Variants in ZBTB7C observed in about 807,000 individuals in gnomAD.
ZBTB7C encodes zinc finger and BTB domain-containing protein 7C.
ZBTB7C carries 8 observed loss-of-function variants against 25.7 expected under a neutral mutation model. The ratio of observed to expected loss-of-function variants is 0.31; its 90% CI spans 0.18 to 0.56. ZBTB7C has a LOEUF of 0.56. Among genes scored for constraint, ZBTB7C ranks in the 20% least tolerant of loss-of-function variants. The pLI, the probability that ZBTB7C is intolerant of heterozygous loss-of-function variation, is 0.91. For missense variants in ZBTB7C, 824 were observed against 855.2 expected, an observed-to-expected ratio of 0.96 and a Z score of 0.46; for synonymous variants, 394 against 369.0, an observed-to-expected ratio of 1.07 and a Z score of -0.78.
chr18:48,038,075 A>T (rs760902275), intron 4 of ZBTB7C, among the ~76,000 whole-genome samples: 1 of 152,154 alleles, frequency 6.6e-6, no homozygotes, highest in Non-Finnish European at 1.5e-5. Context: ...GGTAGGGGGC[A>T]GCATCACCCA....
At chr18:48,191,352 C>T (rs76380405) in intron 2 of ZBTB7C, among the ~76,000 whole-genome samples, 15,450 of 152,244 alleles carry the variant, frequency 0.1, 1,072 homozygotes, top group Non-Finnish European at 0.15. Context: ...TGACATTGGG[C>T]GAGTGACTTA....
chr18:48,303,978 C>T (rs935228287), intron 2 of ZBTB7C, among the ~76,000 whole-genome samples: 19 of 152,216 alleles, frequency 1.2e-4, no homozygotes, highest in African/African-American at 4.3e-4. Context: ...TGTAATCTTC[C>T]AAAGATTCCA....
chr18:48,079,400 T>C (rs2037896064), intron 3 of ZBTB7C, among the ~76,000 whole-genome samples: 1 of 152,238 alleles, frequency 6.6e-6, no homozygotes, highest in Non-Finnish European at 1.5e-5. Context: ...TTACCTATTC[T>C]GGAAAGGGAG....
At chr18:48,321,089 C>G (rs576939763) in intron 2 of ZBTB7C, among the ~76,000 whole-genome samples, 2 of 152,358 alleles carry the variant, frequency 1.3e-5, no homozygotes, top group East Asian at 3.9e-4. Flanking sequence ...GCCTGAGTCT[C>G]ACCCCACGAC....
chr18:48,197,757 G>A (rs188050703), intron 2 of ZBTB7C, among the ~76,000 whole-genome samples: 42 of 152,162 alleles, frequency 2.8e-4, no homozygotes, highest in Non-Finnish European at 2.8e-4. Flanking sequence ...ATGGGATCAG[G>A]GCTCCACCTT....
intron 1 of ZBTB7C, among the ~76,000 whole-genome samples, chr18:48,354,651 G>A (rs2046938000): frequency 6.6e-6 from 1 of 152,098 alleles, no homozygotes; most frequent in Admixed American, 6.5e-5. Flanking sequence ...CTAGACTCAG[G>A]AACTTGACTT....
chr18:48,053,185 G>A (rs947910665), intron 3 of ZBTB7C, among the ~76,000 whole-genome samples: 5 of 152,334 alleles, frequency 3.3e-5, no homozygotes, highest in East Asian at 1.9e-4. Context: ...TGAGGAGGCA[G>A]CTTCCATGTC....
rs555120019 is a variant in ZBTB7C, at chr18:48,068,386, G to A, written c.-16-27263C>T. ...GATCTCTTGACCTTGTGATCTGCCC[G>A]CCTTGGCCTCCCAAAGTTCTGGGAT... On this transcript the variant is annotated intron_variant, in intron 3 of 4. Coordinates refer to ENST00000590800, the MANE Select transcript of ZBTB7C (RefSeq NM_001318841.2). Among the ~76,000 whole-genome samples, 295 of 151,944 alleles carry A rather than the reference G, an allele frequency of 1.9e-3. 2 individuals carry two copies. Among genetic ancestry groups the A allele is most frequent in the African/African-American group, 6.3e-3 (263 of 41,454 alleles).
intron 2 of ZBTB7C, among the ~76,000 whole-genome samples, chr18:48,283,587 T>C (rs2144648438): frequency 6.6e-6 from 1 of 152,284 alleles, no homozygotes; most frequent in Non-Finnish European, 1.5e-5. Flanking sequence ...GACATGAAGT[T>C]GAGTGTGAAT....
intron 2 of ZBTB7C, among the ~76,000 whole-genome samples, chr18:48,217,062 C>T (rs2042841733): frequency 6.6e-6 from 1 of 152,122 alleles, no homozygotes; most frequent in Non-Finnish European, 1.5e-5. Flanking sequence ...AGGCTGCCAG[C>T]AGCCCTCCAG....
chr18:48,239,198 C>CT (rs1193196411), intron 2 of ZBTB7C, among the ~76,000 whole-genome samples: 1 of 152,174 alleles, frequency 6.6e-6, no homozygotes, highest in Non-Finnish European at 1.5e-5. Context: ...TCAGAAACAC[C>CT]TAATTCCTCC....
chr18:48,224,878 C>A (rs1388674015), intron 2 of ZBTB7C, among the ~76,000 whole-genome samples: 1 of 152,196 alleles, frequency 6.6e-6, no homozygotes, highest in Non-Finnish European at 1.5e-5. Flanking sequence ...GTTCTATATA[C>A]TCTGTTAACT....
chr18:48,064,726 G>C (rs1482777602), intron 3 of ZBTB7C, among the ~76,000 whole-genome samples: 2 of 152,156 alleles, frequency 1.3e-5, no homozygotes, highest in African/African-American at 2.4e-5. Context: ...CTGGGTGACA[G>C]AGTGAGACTA....
chr18:48,294,599 C>T (rs1057209027), intron 2 of ZBTB7C, among the ~76,000 whole-genome samples: 8 of 152,078 alleles, frequency 5.3e-5, no homozygotes, highest in African/African-American at 1.4e-4. Flanking sequence ...ATGGACCTGG[C>T]GCTCAGCTGC....
chr18:48,296,631 C>T (rs543500892), intron 2 of ZBTB7C, among the ~76,000 whole-genome samples: 114 of 152,324 alleles, frequency 7.5e-4, no homozygotes, highest in African/African-American at 2.4e-3. Context: ...TCCCGAGTCT[C>T]GGGTGCTCTC....
At chr18:48,056,969 G>T (rs1302272512) in intron 3 of ZBTB7C, among the ~76,000 whole-genome samples, 1 of 143,712 alleles carries the variant, frequency 7.0e-6, no homozygotes, top group African/African-American at 2.6e-5. Context: ...AACATATGAT[G>T]AAGGGCTAAT....
Position 48,142,180 on chromosome 18 carries a change from C to T in ZBTB7C, c.-17+43754G>A, listed in dbSNP as rs149373338. Among the ~76,000 whole-genome samples the T allele has an allele frequency of 1.7e-3, 253 of 152,380 alleles. 5 individuals are homozygous for T. The East Asian group carries it at 0.047, about 28-fold the overall frequency. ...ATTTGCCAAACTCCATCAAACTCCT[C>T]CACTTCTTCCAGAACATAATGGTGA... On this transcript the variant is annotated intron_variant, in intron 3 of 4. Transcript: ENST00000590800.
intron 2 of ZBTB7C, among the ~76,000 whole-genome samples, chr18:48,187,321 G>A (rs1413812021): frequency 6.6e-6 from 1 of 152,210 alleles, no homozygotes; most frequent in Non-Finnish European, 1.5e-5. Context: ...TCTATTGGGA[G>A]AAGAATGGAT....
At chr18:48,293,250 C>T (rs72909605) in intron 2 of ZBTB7C, among the ~76,000 whole-genome samples, 23,330 of 152,216 alleles carry the variant, frequency 0.15, 2,003 homozygotes, top group Non-Finnish European at 0.19. Flanking sequence ...CTCATGTCCT[C>T]ACTTGGCCTT....
Sources: gnomAD v4.1 joint callset for allele counts (sites outside exome capture counted in the v4.1 genomes callset) on GRCh38, gnomAD v4.1.1 for gene constraint, MANE v1.5 for transcripts, NCBI Gene and HGNC (gene_info 2026-07-23, HGNC 2026-07-21) for gene names.